The following CSMD1 variants were observed in gnomAD, a reference collection of about 807,000 sequenced individuals.
CSMD1 encodes the protein CUB and sushi domain-containing protein 1.
Under a neutral mutation model 417.5 loss-of-function variants are expected in CSMD1, and 213 were observed. The observed-to-expected ratio is 0.51, with a 90% confidence interval of 0.46 to 0.57. The LOEUF (loss-of-function observed/expected upper bound fraction) is 0.57. CSMD1 is among the 20% of genes least tolerant of loss of function. The pLI, the probability that CSMD1 is intolerant of heterozygous loss-of-function variation, is 0.00. For missense variants in CSMD1, 6,923 were observed against 4,529.7 expected (o/e 1.53, Z -15.17); for synonymous variants, 2,862 against 1,736.8 (o/e 1.65, Z -16.11).
At chr8:3,255,641 C>T (rs754991590) in intron 26 of CSMD1, among the ~76,000 whole-genome samples, 1 of 152,208 alleles carries the variant, frequency 6.6e-6, no homozygotes, top group African/African-American at 2.4e-5. Context: ...ATGAGCAAGG[C>T]TCTGTGGGCG....
intron 15 of CSMD1, among the ~76,000 whole-genome samples, chr8:3,402,590 C>G (rs1468945670): frequency 3.9e-5 from 6 of 152,156 alleles, no homozygotes; most frequent in African/African-American, 7.2e-5. Flanking sequence ...AAATAACCTA[C>G]GCTTTTAAAT....
At chr8:4,402,792 ACTTTTTTC>A (rs1804731428) in intron 3 of CSMD1, among the ~76,000 whole-genome samples, 4 of 128,020 alleles carry the variant, frequency 3.1e-5, no homozygotes, top group African/African-American at 1.2e-4. Flanking sequence ...TAATGTCCTC[ACTTTTTTC>A]TTTTTTTTTT....
intron 3 of CSMD1, among the ~76,000 whole-genome samples, chr8:4,047,873 T>C (rs1030762765): frequency 1.3e-5 from 2 of 152,166 alleles, no homozygotes; most frequent in Non-Finnish European, 2.9e-5. Flanking sequence ...CTAATAATAA[T>C]ATTTACATCA....
intron 2 of CSMD1, among the ~76,000 whole-genome samples, chr8:4,479,616 C>T (rs1800979470): frequency 6.6e-6 from 1 of 152,118 alleles, no homozygotes; most frequent in Non-Finnish European, 1.5e-5. Flanking sequence ...GACTTTCCAG[C>T]TGGGTGCAGT....
At chr8:4,073,937 A>T (rs1799690457) in intron 3 of CSMD1, among the ~76,000 whole-genome samples, 1 of 152,094 alleles carries the variant, frequency 6.6e-6, no homozygotes, top group Non-Finnish European at 1.5e-5. Flanking sequence ...ACGGTTTTTG[A>T]CGGTTGCTTC....
chr8:3,455,652 T>C (rs1816072735), intron 12 of CSMD1, among the ~76,000 whole-genome samples: 1 of 152,238 alleles, frequency 6.6e-6, no homozygotes, highest in African/African-American at 2.4e-5. Context: ...CAAATGCTGC[T>C]GCCTGATCCT....
intron 5 of CSMD1, among the ~76,000 whole-genome samples, chr8:3,967,613 T>C (rs1339457102): frequency 6.6e-6 from 1 of 152,140 alleles, no homozygotes; most frequent in African/African-American, 2.4e-5. Flanking sequence ...AACTGATTTA[T>C]TTTTACGTGC....
chr8:4,776,805 G>A (rs1267999444), intron 1 of CSMD1, among the ~76,000 whole-genome samples: 2 of 151,856 alleles, frequency 1.3e-5, no homozygotes, highest in South Asian at 2.1e-4. Context: ...AGAGCCAGAC[G>A]ATTTAAATTT....
intron 3 of CSMD1, among the ~76,000 whole-genome samples, chr8:4,090,558 C>G (rs1189148826): frequency 6.6e-6 from 1 of 152,184 alleles, no homozygotes; most frequent in Non-Finnish European, 1.5e-5. Flanking sequence ...GCTTTTACAA[C>G]AGAAACTAAA....
chr8:4,153,972 T>C (rs1796698487), intron 3 of CSMD1, among the ~76,000 whole-genome samples: 1 of 152,174 alleles, frequency 6.6e-6, no homozygotes, highest in Non-Finnish European at 1.5e-5. Context: ...GACAGCAAAT[T>C]ACTGAGAAGG....
At chr8:3,939,910 C>G (rs570122487) in intron 5 of CSMD1, among the ~76,000 whole-genome samples, 29 of 152,144 alleles carry the variant, frequency 1.9e-4, no homozygotes, top group South Asian at 8.3e-4. Context: ...ATTGGGTTCA[C>G]TGTAAACTTC....
intron 3 of CSMD1, among the ~76,000 whole-genome samples, chr8:4,103,852 C>T (rs998568143): frequency 2.6e-5 from 4 of 152,192 alleles, no homozygotes; most frequent in Non-Finnish European, 5.9e-5. Context: ...TCCCTGGCAG[C>T]ATTGTCTGGT....
chr8:4,932,524 A>C (rs1049039717), intron 1 of CSMD1, among the ~76,000 whole-genome samples: 24 of 152,152 alleles, frequency 1.6e-4, no homozygotes, highest in African/African-American at 5.3e-4. Context: ...GAACGTATTC[A>C]CCTAGAAGCT....
At chr8:3,389,167 G>A (rs1166982228) in intron 17 of CSMD1, among the ~76,000 whole-genome samples, 2 of 151,994 alleles carry the variant, frequency 1.3e-5, no homozygotes, top group Admixed American at 6.6e-5. Context: ...TTGTTACATT[G>A]GTAAACTTTT....
intron 3 of CSMD1, among the ~76,000 whole-genome samples, chr8:4,095,896 T>C (rs571327122): frequency 6.6e-6 from 1 of 152,210 alleles, no homozygotes. Flanking sequence ...GTAGAAACTT[T>C]ATACACACAT....
At chr8:4,443,130 T>A (rs1798578856) in intron 2 of CSMD1, among the ~76,000 whole-genome samples, 1 of 152,204 alleles carries the variant, frequency 6.6e-6, no homozygotes, top group South Asian at 2.1e-4. Flanking sequence ...TGGTAGCTGG[T>A]ATAGCAACAG....
At chr8:3,620,256 ATT>A (rs1183679893) in intron 7 of CSMD1, among the ~76,000 whole-genome samples, 1 of 152,222 alleles carries the variant, frequency 6.6e-6, no homozygotes, top group Non-Finnish European at 1.5e-5. Context: ...GAGTGAGTTT[ATT>A]ACCAATGTAT....
At chr8:4,298,899 C>G (rs1027945935) in intron 3 of CSMD1, among the ~76,000 whole-genome samples, 5 of 151,746 alleles carry the variant, frequency 3.3e-5, no homozygotes, top group African/African-American at 1.2e-4. Flanking sequence ...AATTTTACAT[C>G]ATATATATGT....
intron 1 of CSMD1, among the ~76,000 whole-genome samples, chr8:4,793,749 G>T (rs138455008): frequency 9.3e-4 from 140 of 150,780 alleles, no homozygotes; most frequent in African/African-American, 3.2e-3. Context: ...TTGGGATGTG[G>T]ACATTCGTTT....
Sources: gnomAD v4.1 joint callset for allele counts (sites outside exome capture counted in the v4.1 genomes callset) on GRCh38, gnomAD v4.1.1 for gene constraint, MANE v1.5 for transcripts, NCBI Gene and HGNC (gene_info 2026-07-23, HGNC 2026-07-21) for gene names.